CYP2J2: variants seen among roughly 807,000 people sequenced by gnomAD.
CYP2J2 encodes the protein cytochrome P450 family 2 subfamily J member 2, also known as cytochrome P450 2J2.
A neutral mutation model predicts 48.8 loss-of-function variants in CYP2J2; 41 were observed. That is an observed-to-expected ratio of 0.84 (90% CI 0.66 to 1.09). The LOEUF (loss-of-function observed/expected upper bound fraction) is 1.09, where lower values mean the gene tolerates loss of function less well. Among genes scored for constraint, CYP2J2 ranks in the 50% least tolerant of loss-of-function variants. CYP2J2 has a pLI of 0.00. For missense variants in CYP2J2, 644 were observed against 617.3 expected (o/e 1.04, Z -0.46); for synonymous variants, 221 against 227.1 (o/e 0.97, Z 0.24).
At chr1:59,936,881 T>C in the CYP2J2 span, among the ~76,000 whole-genome samples, 3 of 152,250 alleles carry the variant, frequency 2.0e-5, no homozygotes, top group African/African-American at 7.2e-5. Context: ...TGTTCAGTTA[T>C]TATGGGCACA....
intron 1 of CYP2J2, among the ~76,000 whole-genome samples, chr1:59,918,013 C>T (rs778188716): frequency 3.9e-5 from 6 of 152,314 alleles, no homozygotes; most frequent in Middle Eastern, 6.8e-3. Context: ...AGCCTGAACT[C>T]AGTCCTTGTA....
intron 1 of CYP2J2, among the ~76,000 whole-genome samples, chr1:59,922,043 G>A (rs1644520685): frequency 1.3e-5 from 2 of 152,196 alleles, no homozygotes; most frequent in East Asian, 1.9e-4. Context: ...GCGCACTGGC[G>A]GCATCGCAGG....
chr1:59,905,194 C>G, intron 6 of CYP2J2, 136 bp from the exon 7 acceptor site: 1 of 863,698 alleles, frequency 1.2e-6, no homozygotes, highest in South Asian at 1.8e-5. Context: ...GGTTCTTAAC[C>G]TTTTGAAAGG....
chr1:59,955,562 C>T, the CYP2J2 span, among the ~76,000 whole-genome samples: 2 of 152,054 alleles, frequency 1.3e-5, no homozygotes, highest in African/African-American at 4.8e-5. Flanking sequence ...GAAAAAATAG[C>T]AACCATACAG....
At position 59,915,969 on chromosome 1, in the gene CYP2J2, G is replaced by C; in HGVS notation, c.342C>G (p.Thr114=). Residue 114 remains threonine, a synonymous_variant, in exon 2 of 9, where the codon ACC becomes ACG. Transcript: ENST00000371204. ...TCTTAAAGATATGTTCTCGCATAGG[G>C]GTCACGGGGCGGTTCCCAAAGTTTT... ...MDQNFGNRPV[T]PMREHIFKKN... The C allele has an allele frequency of 6.2e-7, 1 of 1,613,872 alleles. No individual in the cohort carries two copies. Among genetic ancestry groups the C allele is most frequent in the Non-Finnish European group, 8.5e-7 (1 of 1,179,874 alleles).
At chr1:59,964,006 T>A in the CYP2J2 span, among the ~76,000 whole-genome samples, 1 of 152,180 alleles carries the variant, frequency 6.6e-6, no homozygotes, top group South Asian at 2.1e-4. Flanking sequence ...CTAAAAAAAA[T>A]GAAATCAGAG....
At chr1:59,966,828 T>C in the CYP2J2 span, among the ~76,000 whole-genome samples, 1 of 152,096 alleles carries the variant, frequency 6.6e-6, no homozygotes, top group Admixed American at 6.5e-5. Context: ...GTGACATAAA[T>C]TTTCACCCAT....
Position 59,893,641 on chromosome 1 carries a change from C to G in CYP2J2, c.*10G>C, listed in dbSNP as rs1644243211. 1 of 1,570,616 alleles carries G rather than the reference C, an allele frequency of 6.4e-7. No individual in the cohort carries two copies. Among genetic ancestry groups the G allele is most frequent in the African/African-American group, 1.4e-5 (1 of 73,464 alleles). ...TCTTACTTTCCTTGCCCCTTTCTTT[C>G]TTAACAATATTACACCTGAGGAACA... On this transcript the variant is annotated 3_prime_UTR_variant, in exon 9 of 9. Coordinates refer to ENST00000371204, the MANE Select transcript of CYP2J2 (RefSeq NM_000775.4).
rs2102114417 is a variant in CYP2J2 at position 59,905,029 on chromosome 1, TC to T, written c.1032del (p.Ile345LeufsTer34). ...GTGCTCGGCTGCTGCCCCTGGCCAA[TC>T]ACTCTGTCAATCTCAGCTTGTACTT... ...QEKVQAEIDRVIGQGQQPSTA... is the reference protein window; with the variant it reads ...QEKVQAEIDRXIGQGQQPSTA... On this transcript the variant is annotated frameshift_variant, in exon 7 of 9. Transcript: ENST00000371204. LOFTEE classifies it high-confidence loss of function. 2 of 1,613,860 alleles carry T rather than the reference TC, an allele frequency of 1.2e-6. No homozygotes were observed. Among genetic ancestry groups the T allele is most frequent in the East Asian group, 4.5e-5 (2 of 44,858 alleles).
chr1:59,926,505 A>G (rs778101462), intron 1 of CYP2J2, 32 bp downstream of exon 1: 23 of 1,576,728 alleles, frequency 1.5e-5, no homozygotes, highest in East Asian at 6.7e-5. Flanking sequence ...AGTTAGGGTC[A>G]GGACACGCTA....
the CYP2J2 span, among the ~76,000 whole-genome samples, chr1:59,942,925 C>T: frequency 7.9e-5 from 12 of 152,118 alleles, no homozygotes; most frequent in African/African-American, 1.4e-4. Context: ...TTATGAACCC[C>T]GTTTTACAAA....
At chr1:59,966,692 A>G in the CYP2J2 span, among the ~76,000 whole-genome samples, 1 of 152,174 alleles carries the variant, frequency 6.6e-6, no homozygotes, top group Non-Finnish European at 1.5e-5. Flanking sequence ...AAGCAGCTGA[A>G]TTTCTTTAGT....
chr1:59,910,097 T>C, intron 4 of CYP2J2, 137 bp from the exon 5 acceptor site: 2 of 642,940 alleles, frequency 3.1e-6, no homozygotes, highest in Non-Finnish European at 5.2e-6. Context: ...ACCCCTCTTT[T>C]CTCTCTCACC....
chr1:59,959,827 A>G, the CYP2J2 span, among the ~76,000 whole-genome samples: 11,409 of 152,190 alleles, frequency 0.075, 463 homozygotes, highest in African/African-American at 0.11. Context: ...GTTCTCACTT[A>G]TAAGTGGGAG....
chr1:59,968,364 C>T, the CYP2J2 span, among the ~76,000 whole-genome samples: 2 of 152,066 alleles, frequency 1.3e-5, no homozygotes, highest in African/African-American at 4.8e-5. Flanking sequence ...TCTGTCTTGC[C>T]TCCCCAACAG....
At chr1:59,926,895 C>T (rs1395668648), upstream of CYP2J2, 5 of 680,912 alleles carry the variant, frequency 7.3e-6, no homozygotes, top group South Asian at 3.8e-5. Context: ...GCTGGATTCC[C>T]GGGAGGACAC....
At chr1:59,955,906 A>ATG in the CYP2J2 span, among the ~76,000 whole-genome samples, 5 of 151,362 alleles carry the variant, frequency 3.3e-5, no homozygotes, top group East Asian at 1.9e-4. Flanking sequence ...GTGTGTGTGT[A>ATG]TGTGTGTGTG....
At chr1:59,915,782 C>T (rs183855853) in intron 2 of CYP2J2, among the ~76,000 whole-genome samples, 156 bp downstream of exon 2, 120 of 152,278 alleles carry the variant, frequency 7.9e-4, no homozygotes, top group African/African-American at 2.7e-3. Context: ...TGACTTCAAT[C>T]AGGAAATGTG....
At chr1:59,931,167 C>T (rs917805976), upstream of CYP2J2, among the ~76,000 whole-genome samples, 2 of 152,138 alleles carry the variant, frequency 1.3e-5, no homozygotes, top group African/African-American at 4.8e-5. Context: ...CAAACAATCA[C>T]AGGTTAATGG....
Sources: gnomAD v4.1 joint callset for allele counts (sites outside exome capture counted in the v4.1 genomes callset) on GRCh38, gnomAD v4.1.1 for gene constraint, MANE v1.5 for transcripts, NCBI Gene and HGNC (gene_info 2026-07-23, HGNC 2026-07-21) for gene names.